The following STAU1 variants were observed in gnomAD, a reference collection of about 807,000 sequenced individuals.
STAU1 encodes the protein staufen double-stranded RNA binding protein 1, also known as double-stranded RNA-binding protein Staufen homolog 1.
A neutral mutation model predicts 62.9 loss-of-function variants in STAU1; 13 were observed. The ratio of observed to expected loss-of-function variants is 0.21; its 90% CI spans 0.13 to 0.33. STAU1 has a LOEUF of 0.33. STAU1 is among the 10% of genes least tolerant of loss of function. The pLI is 1.00. For synonymous variants in STAU1, 269 were observed against 265.1 expected (o/e 1.01, Z -0.14); for missense variants, 571 against 712.1 (o/e 0.80, Z 2.25).
intron 3 of STAU1, among the ~76,000 whole-genome samples, chr20:49,162,821 A>C (rs778643688): frequency 7.9e-5 from 12 of 151,800 alleles, no homozygotes; most frequent in Non-Finnish European, 1.3e-4. Context: ...ATGAGAAGAC[A>C]AAGGAGGAAA....
At chr20:49,123,344 G>A in intron 7 of STAU1, 109 bp from the exon 8 acceptor site, 2 of 1,363,198 alleles carry the variant, frequency 1.5e-6, no homozygotes, top group Non-Finnish European at 2.1e-6. Context: ...TTGACCTAAT[G>A]GCTCAGAATT....
At chr20:49,123,799 T>C (rs949270321) in intron 7 of STAU1, among the ~76,000 whole-genome samples, 4 of 152,214 alleles carry the variant, frequency 2.6e-5, no homozygotes, top group African/African-American at 9.7e-5. Context: ...TATGCTTTTA[T>C]GTAAGAAAAA....
chr20:49,202,677 C>T, the STAU1 span, among the ~76,000 whole-genome samples: 1 of 151,302 alleles, frequency 6.6e-6, no homozygotes, highest in Non-Finnish European at 1.5e-5. Flanking sequence ...TAGCTCAGCT[C>T]AGTAGTTCAA....
intron 2 of STAU1, among the ~76,000 whole-genome samples, chr20:49,172,971 G>T (rs1188557965): frequency 7.1e-6 from 1 of 140,090 alleles, no homozygotes; most frequent in African/African-American, 2.6e-5. Flanking sequence ...TCTGCCTCCC[G>T]GGTTCACGCC....
At chr20:49,203,078 T>C in the STAU1 span, among the ~76,000 whole-genome samples, 2 of 151,350 alleles carry the variant, frequency 1.3e-5, no homozygotes, top group Non-Finnish European at 2.9e-5. Flanking sequence ...TAGAATAAGA[T>C]CAAATTAAAC....
the STAU1 span, chr20:49,219,270 A>G: frequency 7.1e-7 from 1 of 1,402,550 alleles, no homozygotes; most frequent in Non-Finnish European, 9.6e-7. Context: ...CGTCACACGA[A>G]ACCAACCACG....
At chr20:49,196,760 ACT>A in the STAU1 span, among the ~76,000 whole-genome samples, 2 of 145,188 alleles carry the variant, frequency 1.4e-5, no homozygotes, top group African/African-American at 5.0e-5. Flanking sequence ...TGACAGCGAG[ACT>A]CTGTCTCAAA....
the STAU1 span, among the ~76,000 whole-genome samples, chr20:49,195,007 G>T: frequency 6.6e-6 from 1 of 152,084 alleles, no homozygotes; most frequent in Non-Finnish European, 1.5e-5. Flanking sequence ...AAGAATGTTT[G>T]TATCACTCTG....
Position 49,126,748 on chromosome 20 carries a change from C to A in STAU1, c.610-2161G>T, listed in dbSNP as rs146185039. 2.0e-3 allele frequency among the ~76,000 whole-genome samples: 305 copies of A among 151,722 alleles called. 1 individual carries two copies. Among genetic ancestry groups the A allele is most frequent in the African/African-American group, 7.0e-3 (289 of 41,392 alleles). On this transcript the variant is annotated intron_variant, in intron 6 of 13. Coordinates refer to ENST00000371856, the MANE Select transcript of STAU1 (RefSeq NM_017453.4). Reference sequence around the variant, plus strand: ...GGATAAATAGATCAACAGAACAGCACGAAAAAGACCTGCACATATAAGGTC... The same window carrying A: ...GGATAAATAGATCAACAGAACAGCAAGAAAAAGACCTGCACATATAAGGTC...
At position 49,152,159 on chromosome 20, in the gene STAU1, C is replaced by T. The variant is rs554337849; in HGVS notation, c.345-412G>A. ...AATGCACAAGTCTTTCAAAAGGACC[C>T]TCATTTCAAGAAATCCCAATAAGCT... On this transcript the variant is annotated intron_variant, in intron 4 of 13. Coordinates refer to ENST00000371856, the MANE Select transcript of STAU1 (RefSeq NM_017453.4). 2.6e-5 allele frequency among the ~76,000 whole-genome samples: 4 copies of T among 152,176 alleles called. No individual in the cohort carries two copies. The East Asian group carries it at 7.7e-4, about 29-fold the overall frequency.
intron 1 of STAU1, among the ~76,000 whole-genome samples, chr20:49,180,331 T>G (rs934711368): frequency 1.2e-5 from 1 of 81,054 alleles, no homozygotes; most frequent in African/African-American, 5.8e-5. Context: ...TTTTTTTTTT[T>G]TCCCCCCCTG....
chr20:49,144,154 A>G (rs959596546), intron 5 of STAU1, among the ~76,000 whole-genome samples: 8 of 152,196 alleles, frequency 5.3e-5, no homozygotes, highest in African/African-American at 1.7e-4. Flanking sequence ...TGTCATTTTT[A>G]TATCTATTTT....
At chr20:49,128,605 A>C (rs1480206435) in intron 6 of STAU1, among the ~76,000 whole-genome samples, 1 of 152,074 alleles carries the variant, frequency 6.6e-6, no homozygotes, top group African/African-American at 2.4e-5. Flanking sequence ...AAGTTCTCAA[A>C]ATGTGAAGAG....
At chr20:49,144,711 A>T (rs1568870412) in intron 5 of STAU1, among the ~76,000 whole-genome samples, 1 of 152,152 alleles carries the variant, frequency 6.6e-6, no homozygotes, top group Non-Finnish European at 1.5e-5. Context: ...TCTTTTTTTA[A>T]CCTCTTGGAA....
intron 1 of STAU1, among the ~76,000 whole-genome samples, chr20:49,175,981 A>C (rs1015056576): frequency 6.0e-5 from 9 of 150,556 alleles, no homozygotes; most frequent in Admixed American, 2.0e-4. Flanking sequence ...TTTTTAGTAG[A>C]GACGGGGTTT....
chr20:49,133,662 G>A (rs1021514728), intron 6 of STAU1, among the ~76,000 whole-genome samples: 2 of 152,096 alleles, frequency 1.3e-5, no homozygotes, highest in African/African-American at 4.8e-5. Flanking sequence ...GGGAATGTAG[G>A]GCCAGGTGAG....
At chr20:49,208,945 A>C in the STAU1 span, among the ~76,000 whole-genome samples, 1 of 144,184 alleles carries the variant, frequency 6.9e-6, no homozygotes, top group Non-Finnish European at 1.5e-5. Flanking sequence ...TTTTTTATTC[A>C]TTTATTTAGA....
the STAU1 span, among the ~76,000 whole-genome samples, chr20:49,211,483 G>A: frequency 6.6e-6 from 1 of 151,532 alleles, no homozygotes; most frequent in Admixed American, 6.6e-5. Flanking sequence ...CTCTCCTCAA[G>A]TGATCCTCCT....
At chr20:49,144,189 C>A (rs1372386053) in intron 5 of STAU1, among the ~76,000 whole-genome samples, 1 of 152,178 alleles carries the variant, frequency 6.6e-6, no homozygotes, top group Non-Finnish European at 1.5e-5. Context: ...TGGACACACA[C>A]CTCCTTGTGC....
Sources: gnomAD v4.1 joint callset for allele counts (sites outside exome capture counted in the v4.1 genomes callset) on GRCh38, gnomAD v4.1.1 for gene constraint, MANE v1.5 for transcripts, NCBI Gene and HGNC (gene_info 2026-07-23, HGNC 2026-07-21) for gene names.